PCDHGA1: variants seen among roughly 807,000 people sequenced by gnomAD.
The protein encoded by PCDHGA1 is protocadherin gamma-A1.
PCDHGA1 carries 32 observed loss-of-function variants against 58.0 expected under a neutral mutation model. The observed-to-expected ratio is 0.55, with a 90% CI of 0.42 to 0.74. PCDHGA1 has a LOEUF of 0.74. Ranked by LOEUF, PCDHGA1 falls within the 30% of genes least tolerant of loss-of-function variation. The pLI, the probability that PCDHGA1 is intolerant of heterozygous loss-of-function variation, is 0.00. For missense variants in PCDHGA1, 1,205 were observed against 1,182.3 expected (o/e 1.02, Z -0.28); for synonymous variants, 498 against 501.1 (o/e 0.99, Z 0.08).
chr5:141,488,497 C>T (rs1054409265), intron 1 of PCDHGA1, among the ~76,000 whole-genome samples: 3 of 152,204 alleles, frequency 2.0e-5, no homozygotes, highest in South Asian at 2.1e-4. Flanking sequence ...CTGTAACACT[C>T]ATTCCACATT....
At chr5:141,384,889 G>GTGGC in intron 1 of PCDHGA1, 1 of 1,613,882 alleles carries the variant, frequency 6.2e-7, no homozygotes, top group Non-Finnish European at 8.5e-7. Context: ...CACCGTGGCT[G>GTGGC]TGGCTGACAG....
At chr5:141,414,414 C>T (rs376404716) in intron 1 of PCDHGA1, 4 of 1,613,830 alleles carry the variant, frequency 2.5e-6, no homozygotes, top group South Asian at 1.1e-5. Context: ...TACACAGAGC[C>T]CTTGACAGGG....
At chr5:141,372,739 G>A (rs778027776) in intron 1 of PCDHGA1, 1 of 1,613,668 alleles carries the variant, frequency 6.2e-7, no homozygotes, top group Non-Finnish European at 8.5e-7. Context: ...GATCTTCTAT[G>A]TGATGAAGCC....
At chr5:141,352,385 C>T (rs774758135) in intron 1 of PCDHGA1, 2 of 1,614,052 alleles carry the variant, frequency 1.2e-6, no homozygotes, top group South Asian at 1.1e-5. Flanking sequence ...AGCGATCGCC[C>T]TGCGCCTGCG....
chr5:141,346,164 C>T lies in PCDHGA1; in HGVS notation c.2421+13059C>T, dbSNP rs559748753. Reference sequence around the variant, plus strand: ...CGTCTTCCTGGCCTTCGTCATCGTGCTGCTGGCGCTCAGGCTGCGGCGCTG... The same window carrying T: ...CGTCTTCCTGGCCTTCGTCATCGTGTTGCTGGCGCTCAGGCTGCGGCGCTG... On this transcript the variant is annotated intron_variant, in intron 1 of 3. Transcript: ENST00000517417. 3.5e-5 allele frequency: 57 copies of T among 1,614,032 alleles called. 1 individual carries two copies. The highest frequency in any genetic ancestry group is 6.7e-5 in the East Asian group (3 of 44,868).
At chr5:141,340,538 G>A in intron 1 of PCDHGA1, 1 of 1,614,224 alleles carries the variant, frequency 6.2e-7, no homozygotes, top group Non-Finnish European at 8.5e-7. Context: ...CTTTGATTAT[G>A]AGCAGTTGCG....
intron 1 of PCDHGA1, chr5:141,415,738 AGGTTTTTT>A: frequency 1.9e-6 from 1 of 538,082 alleles, no homozygotes; most frequent in Non-Finnish European, 2.7e-6. Flanking sequence ...ATGTTTATTA[AGGTTTTTT>A]TTTTTTTTTT....
intron 1 of PCDHGA1, chr5:141,344,717 C>G (rs757612658): frequency 6.2e-7 from 1 of 1,613,850 alleles, no homozygotes; most frequent in African/African-American, 1.3e-5. Context: ...ACTTGCACAT[C>G]CAAGTGATAG....
chr5:141,481,436 T>C (rs775003998), intron 1 of PCDHGA1, among the ~76,000 whole-genome samples: 5 of 152,220 alleles, frequency 3.3e-5, no homozygotes, highest in South Asian at 2.1e-4. Flanking sequence ...ATTGTATCAG[T>C]TTAGTACATG....
chr5:141,355,033 T>C, intron 1 of PCDHGA1: 1 of 1,004,180 alleles, frequency 1.0e-6, no homozygotes, highest in African/African-American at 1.6e-5. Flanking sequence ...AATCACAAGA[T>C]TTCTGCAGCA....
intron 1 of PCDHGA1, chr5:141,412,746 C>T (rs2095574250): frequency 6.5e-6 from 1 of 154,106 alleles, no homozygotes; most frequent in Non-Finnish European, 1.4e-5. Context: ...ATATATTTAA[C>T]CAAACATTAT....
At chr5:141,468,324 C>T (rs1301315098) in intron 1 of PCDHGA1, 1 of 127,722 alleles carries the variant, frequency 7.8e-6, no homozygotes, top group Non-Finnish European at 1.6e-5. Context: ...ACGGTAAACT[C>T]CATCTCAAAA....
At chr5:141,505,260 C>T in intron 2 of PCDHGA1, 133 bp from the exon 3 acceptor site, 2 of 1,502,832 alleles carry the variant, frequency 1.3e-6, no homozygotes, top group South Asian at 1.3e-5. Context: ...TGCCTCCTAC[C>T]TTGCTGAGAG....
intron 1 of PCDHGA1, chr5:141,383,493 G>T: frequency 1.2e-6 from 2 of 1,613,270 alleles, no homozygotes; most frequent in Non-Finnish European, 1.7e-6. Context: ...TGCTGGAGCG[G>T]GTGCTGGACC....
intron 1 of PCDHGA1, among the ~76,000 whole-genome samples, chr5:141,357,949 G>T (rs1020831808): frequency 1.3e-5 from 2 of 152,118 alleles, no homozygotes; most frequent in Non-Finnish European, 2.9e-5. Flanking sequence ...TAACACTTTG[G>T]GAGTGTGAGG....
chr5:141,398,568 G>C, intron 1 of PCDHGA1: 1 of 1,614,014 alleles, frequency 6.2e-7, no homozygotes, highest in African/African-American at 1.3e-5. Context: ...AGTCTGCACA[G>C]CCTGGCACAA....
chr5:141,364,841 C>A, intron 1 of PCDHGA1: 1 of 1,613,988 alleles, frequency 6.2e-7, no homozygotes, highest in Non-Finnish European at 8.5e-7. Flanking sequence ...CCGGAGTTAC[C>A]AGCTCAGCTC....
intron 1 of PCDHGA1, among the ~76,000 whole-genome samples, chr5:141,347,774 G>C (rs2149746532): frequency 6.7e-6 from 1 of 148,790 alleles, no homozygotes; most frequent in Admixed American, 6.7e-5. Flanking sequence ...GCAATAGAGA[G>C]AGACTCCATC....
chr5:141,412,963 G>T, intron 1 of PCDHGA1: 1 of 518,228 alleles, frequency 1.9e-6, no homozygotes, highest in East Asian at 3.1e-5. Context: ...TCACCTACTA[G>T]GAGAGAAAAC....
Sources: gnomAD v4.1 joint callset for allele counts (sites outside exome capture counted in the v4.1 genomes callset) on GRCh38, gnomAD v4.1.1 for gene constraint, MANE v1.5 for transcripts, NCBI Gene and HGNC (gene_info 2026-07-23, HGNC 2026-07-21) for gene names.